Variants in EPHA6 observed in about 807,000 individuals in gnomAD.
EPHA6 encodes the protein EPH receptor A6, also known as ephrin type-A receptor 6.
In EPHA6, 50 loss-of-function variants were observed where a neutral mutation model predicts 112.0. The observed-to-expected ratio is 0.45, with a 90% CI of 0.36 to 0.56. The LOEUF is 0.56. EPHA6 is among the 20% of genes least tolerant of loss of function. The probability of loss-of-function intolerance (pLI) is 0.00; values close to 1 mark genes in which losing one functional copy is unlikely to be tolerated. For synonymous variants in EPHA6, 529 were observed against 490.7 expected, an observed-to-expected ratio of 1.08 and a Z score of -1.03; for missense variants, 1,280 against 1,417.4, an observed-to-expected ratio of 0.90 and a Z score of 1.56.
intron 3 of EPHA6, 91 bp from the exon 4 acceptor site, chr3:97,226,173 A>G: frequency 2.0e-6 from 2 of 993,798 alleles, no homozygotes; most frequent in East Asian, 5.2e-5. Context: ...CTGAGATCCA[A>G]TGTGAATATA....
chr3:97,728,779 C>T (rs1386863161), intron 15 of EPHA6, among the ~76,000 whole-genome samples: 2 of 152,140 alleles, frequency 1.3e-5, no homozygotes, highest in Non-Finnish European at 2.9e-5. Flanking sequence ...TTTCAGGCAA[C>T]TCCTTCTCTA....
intron 3 of EPHA6, among the ~76,000 whole-genome samples, chr3:97,207,086 TAGTC>T (rs143909571): frequency 0.013 from 1,912 of 152,212 alleles, 33 homozygotes; most frequent in African/African-American, 0.044. Flanking sequence ...TAACTCTAAA[TAGTC>T]AGTTCTTGAA....
chr3:97,324,669 G>A (rs1330471107), intron 5 of EPHA6, among the ~76,000 whole-genome samples: 1 of 151,740 alleles, frequency 6.6e-6, no homozygotes, highest in Non-Finnish European at 1.5e-5. Context: ...CTCCTAAGTA[G>A]CTGGGATTAT....
chr3:96,882,310 T>G (rs2107513218), intron 2 of EPHA6, among the ~76,000 whole-genome samples: 1 of 152,346 alleles, frequency 6.6e-6, no homozygotes, highest in African/African-American at 2.4e-5. Flanking sequence ...ATACATCTTC[T>G]GAAATCTAGG....
chr3:97,251,421 T>G (rs1328743757), intron 5 of EPHA6, among the ~76,000 whole-genome samples: 1 of 151,818 alleles, frequency 6.6e-6, no homozygotes, highest in Non-Finnish European at 1.5e-5. Flanking sequence ...TCCCAGCTAC[T>G]CGGGAGGCTG....
chr3:97,662,457 G>A (rs2094176173), intron 14 of EPHA6, among the ~76,000 whole-genome samples: 3 of 152,092 alleles, frequency 2.0e-5, no homozygotes, highest in South Asian at 4.1e-4. Flanking sequence ...ACTGCAGTAA[G>A]GACCTCTCAC....
At position 97,447,010 on chromosome 3, in the gene EPHA6, T is replaced by C. The variant is rs547909108; in HGVS notation, c.1732-1558T>C. ...TTTTTTATTTAAAATGTTGCTGTTC[T>C]TAATTCAATTTTTTTCCTTGTACTT... On this transcript the variant is annotated intron_variant, in intron 6 of 17. Transcript: ENST00000389672. Among the ~76,000 whole-genome samples, 4 of 152,322 alleles carry C rather than the reference T, an allele frequency of 2.6e-5. No individual in the cohort carries two copies. In the East Asian group the frequency reaches 5.8e-4, roughly 22 times the overall value.
chr3:97,527,151 A>G (rs2092632346), intron 10 of EPHA6, among the ~76,000 whole-genome samples: 1 of 152,162 alleles, frequency 6.6e-6, no homozygotes, highest in African/African-American at 2.4e-5. Flanking sequence ...TGAAGCACTA[A>G]TGTGCATGAT....
At chr3:97,193,429 T>C (rs950516684) in intron 3 of EPHA6, among the ~76,000 whole-genome samples, 2 of 152,078 alleles carry the variant, frequency 1.3e-5, no homozygotes, top group African/African-American at 4.8e-5. Flanking sequence ...TCTTGATTTC[T>C]TTTTCAGATT....
At chr3:97,401,085 A>G (rs2086965060) in intron 5 of EPHA6, among the ~76,000 whole-genome samples, 3 of 151,948 alleles carry the variant, frequency 2.0e-5, no homozygotes, top group Middle Eastern at 3.4e-3. Context: ...GTGCTAAGGT[A>G]CATTCCTTCT....
intron 10 of EPHA6, among the ~76,000 whole-genome samples, chr3:97,523,806 G>A (rs2092579941): frequency 6.6e-6 from 1 of 151,648 alleles, no homozygotes; most frequent in Non-Finnish European, 1.5e-5. Flanking sequence ...ATAATGACCT[G>A]CTTTTTCTCT....
At chr3:97,672,887 A>G (rs563059391) in intron 14 of EPHA6, among the ~76,000 whole-genome samples, 1 of 152,288 alleles carries the variant, frequency 6.6e-6, no homozygotes, top group East Asian at 1.9e-4. Context: ...TAGGTTTTTC[A>G]TATTGAAATC....
intron 3 of EPHA6, among the ~76,000 whole-genome samples, chr3:97,134,806 C>A (rs1000133687): frequency 6.6e-6 from 1 of 151,868 alleles, no homozygotes; most frequent in South Asian, 2.1e-4. Flanking sequence ...TTGCATGGAA[C>A]AAATTATTAT....
intron 13 of EPHA6, among the ~76,000 whole-genome samples, chr3:97,629,377 C>A (rs1268362598): frequency 6.6e-6 from 1 of 151,942 alleles, no homozygotes; most frequent in Non-Finnish European, 1.5e-5. Context: ...AATAATGTGA[C>A]ATCAGACATG....
At chr3:96,887,940 T>G (rs2037727498) in intron 2 of EPHA6, among the ~76,000 whole-genome samples, 1 of 151,996 alleles carries the variant, frequency 6.6e-6, no homozygotes, top group Admixed American at 6.6e-5. Context: ...TCACTCCCAC[T>G]GTGCCCCCAC....
chr3:97,066,961 C>T (rs1274660587), intron 3 of EPHA6, among the ~76,000 whole-genome samples: 1 of 151,990 alleles, frequency 6.6e-6, no homozygotes, highest in Non-Finnish European at 1.5e-5. Context: ...CCTAGTTGAA[C>T]AATTTAATAG....
rs112743626 is a variant in EPHA6, at chr3:97,250,921, C to A, written c.1606+6634C>A. 5.9e-3 allele frequency among the ~76,000 whole-genome samples: 891 copies of A among 151,556 alleles called. 5 individuals are homozygous for A. Among genetic ancestry groups the A allele is most frequent in the African/African-American group, 0.02 (841 of 41,314 alleles). ...CTCACTTTGTCCCCAGGGTGGAGTG[C>A]AGTGTCATGGTCTTGGCTCACTGCA... On this transcript the variant is annotated intron_variant, in intron 5 of 17. Transcript: ENST00000389672.
intron 12 of EPHA6, among the ~76,000 whole-genome samples, chr3:97,602,405 C>A (rs964057051): frequency 2.6e-5 from 4 of 151,914 alleles, no homozygotes. Flanking sequence ...TCATAATACC[C>A]TTCCAGGATA....
intron 5 of EPHA6, among the ~76,000 whole-genome samples, chr3:97,273,553 T>A (rs2079964589): frequency 6.6e-6 from 1 of 152,142 alleles, no homozygotes; most frequent in Admixed American, 6.5e-5. Flanking sequence ...GGGCCTGAAT[T>A]CTGAGAAGGG....
Sources: allele counts gnomAD v4.1 joint callset (sites outside exome capture counted in the v4.1 genomes callset), GRCh38; gene constraint gnomAD v4.1.1; transcripts MANE v1.5; gene names NCBI Gene and HGNC (gene_info 2026-07-23, HGNC 2026-07-21).